The following ERCC4 variants were observed in gnomAD, a reference collection of about 807,000 sequenced individuals.
The protein encoded by ERCC4 is ERCC excision repair 4, endonuclease catalytic subunit.
In ERCC4, 65 loss-of-function variants were observed where a neutral mutation model predicts 76.9. The ratio of observed to expected loss-of-function variants is 0.84; its 90% CI spans 0.69 to 1.04. ERCC4 has a LOEUF of 1.04. Among genes scored for constraint, ERCC4 ranks in the 50% least tolerant of loss-of-function variants. The pLI is 0.00. For synonymous variants in ERCC4, 463 were observed against 410.1 expected (o/e 1.13, Z -1.56); for missense variants, 1,214 against 1,128.2 (o/e 1.08, Z -1.09).
At chr16:13,947,159 C>A (rs2032530335) in intron 10 of ERCC4, among the ~76,000 whole-genome samples, 1 of 152,308 alleles carries the variant, frequency 6.6e-6, no homozygotes, top group Middle Eastern at 3.4e-3. Flanking sequence ...AGCTCCTTCC[C>A]TTTCCCCATC....
Position 13,934,203 on chromosome 16 carries a change from G to A in ERCC4, c.1114G>A (p.Glu372Lys), listed in dbSNP as rs2032238318. 4 of 1,608,404 alleles carry A rather than the reference G, an allele frequency of 2.5e-6. No individual in the cohort carries two copies. The highest frequency in any genetic ancestry group is 3.4e-6 in the Non-Finnish European group (4 of 1,175,460). Reference protein sequence around the residue: ...EIKEGEETKKELVLESNPKWE... With the variant: ...EIKEGEETKKKLVLESNPKWE... ...TTATTTCTCTACAGAAACAAAAAAG[G>A]AACTGGTCCTAGAAAGCAACCCAAA... Residue 372 changes from glutamate (E) to lysine (K), a missense_variant, in exon 7 of 11, where the codon GAA (glutamate) becomes AAA (lysine). By Grantham distance (56) the Glu-to-Lys change is moderately conservative. Transcript: ENST00000311895.
intron 9 of ERCC4, among the ~76,000 whole-genome samples, chr16:13,940,963 C>G (rs2032401882): frequency 6.6e-6 from 1 of 152,200 alleles, no homozygotes; most frequent in South Asian, 2.1e-4. Flanking sequence ...AGGTGAGTTT[C>G]TTGCTTCGCC....
intron 2 of ERCC4, among the ~76,000 whole-genome samples, chr16:13,923,217 G>C (rs1237918025): frequency 2.6e-5 from 4 of 152,144 alleles, no homozygotes; most frequent in Non-Finnish European, 5.9e-5. Flanking sequence ...CCCAGTCATA[G>C]TGCTCACAAC....
chr16:13,933,580 T>C (rs2032224709), intron 6 of ERCC4: 1 of 152,364 alleles, frequency 6.6e-6, no homozygotes, highest in Non-Finnish European at 1.5e-5. Context: ...TGGTGGCACA[T>C]GCCTGTAATC....
At position 13,935,753 on chromosome 16, in the gene ERCC4, A is replaced by G. The variant is rs1477624759; in HGVS notation, c.1811+10A>G. ...CTGGGAAACCTCTGAGGCAAGTTAT[A>G]AAGAATCACAGCTTTCAGTTGCACA... is the stretch of plus-strand genomic sequence containing the variant. On this transcript the variant is annotated intron_variant, in intron 8 of 10. Coordinates refer to ENST00000311895, the MANE Select transcript of ERCC4 (RefSeq NM_005236.3). 5.7e-6 allele frequency: 9 copies of G among 1,577,712 alleles called. No individual in the cohort carries two copies. The highest frequency in any genetic ancestry group is 7.8e-6 in the Non-Finnish European group (9 of 1,146,912).
rs755632562 is a variant in ERCC4 at position 13,934,320 on chromosome 16, G to A, written c.1213+18G>A. The A allele has an allele frequency of 2.0e-6, 3 of 1,516,686 alleles. No individual in the cohort carries two copies. Among genetic ancestry groups the A allele is most frequent in the South Asian group, 1.1e-5 (1 of 89,044 alleles). The allele number at this position is 1,516,686 out of a possible 1,614,324, so 94.0% of individuals were successfully genotyped here. A position where few individuals can be genotyped will look rare whatever the true frequency, so the allele number is the denominator to read the frequency against. ...TGGTCCAGGTAGGAAAAAAGGAGAT[G>A]AAAACATTTGCTTCCAAAATCTATC... On this transcript the variant is annotated intron_variant, in intron 7 of 10. Transcript: ENST00000311895.
chr16:13,920,463 C>A, intron 1 of ERCC4, 91 bp downstream of exon 1: 1 of 1,173,256 alleles, frequency 8.5e-7, no homozygotes, highest in Non-Finnish European at 1.2e-6. Context: ...GATGGAGGGG[C>A]TCTGAGGGGG....
rs773703876 is a variant in ERCC4 at position 13,937,718 on chromosome 16, A to T, written c.1812-48A>T. The T allele has an allele frequency of 2.3e-5, 27 of 1,165,032 alleles. 1 individual carries two copies. The South Asian group carries it at 3.0e-4, about 13-fold the overall frequency. 72.2% of individuals were successfully genotyped at this position (1,165,032 alleles called of 1,614,324 possible). Reference sequence around the variant, plus strand: ...ACATGTTCTGCTGTTCCTTTCAGGGATTAAAAATGCTGTTTTTCCAACCTA... The same window carrying T: ...ACATGTTCTGCTGTTCCTTTCAGGGTTTAAAAATGCTGTTTTTCCAACCTA... On this transcript the variant is annotated intron_variant, in intron 8 of 10. Transcript: ENST00000311895.
chr16:13,949,970 A>AT lies in ERCC4; in HGVS notation c.*1632dup, dbSNP rs1034520988. 263 of 224,016 alleles carry AT rather than the reference A, an allele frequency of 1.2e-3. No individual in the cohort carries two copies. Among genetic ancestry groups the AT allele is most frequent in the Middle Eastern group, 4.1e-3 (3 of 736 alleles). The allele number at this position is 224,016 out of a possible 1,614,324, so 13.9% of individuals were successfully genotyped here. A position where few individuals can be genotyped will look rare whatever the true frequency, so the allele number is the denominator to read the frequency against. On this transcript the variant is annotated 3_prime_UTR_variant, in exon 11 of 11. Transcript: ENST00000311895. ...CAACTTTAACAAAATTGTCATTGTTATTTTTTTTTGAGACAGAGTCTCCCT... is the reference window on the plus strand; with the variant it reads ...CAACTTTAACAAAATTGTCATTGTTATTTTTTTTTTGAGACAGAGTCTCCCT...
chr16:13,924,883 C>A (rs1024528351), intron 2 of ERCC4, among the ~76,000 whole-genome samples: 2 of 151,938 alleles, frequency 1.3e-5, no homozygotes, highest in African/African-American at 4.8e-5. Context: ...AGTATGGGTA[C>A]AAAATGTCAT....
intron 2 of ERCC4, among the ~76,000 whole-genome samples, chr16:13,924,984 G>A (rs1487945980): frequency 6.6e-6 from 1 of 152,100 alleles, no homozygotes; most frequent in Non-Finnish European, 1.5e-5. Context: ...TTTTGAAAAA[G>A]GAGTGTCTTG....
chr16:13,948,977 C>T lies in ERCC4; in HGVS notation c.*630C>T, dbSNP rs1408482875. 1 of 232,724 alleles carries T rather than the reference C, an allele frequency of 4.3e-6. No individual in the cohort carries two copies. Among genetic ancestry groups the T allele is most frequent in the East Asian group, 6.1e-5 (1 of 16,516 alleles). 14.4% of individuals were successfully genotyped at this position (232,724 alleles called of 1,614,324 possible). On this transcript the variant is annotated 3_prime_UTR_variant, in exon 11 of 11. Coordinates refer to ENST00000311895, the MANE Select transcript of ERCC4 (RefSeq NM_005236.3). ...TGACCAGTTCTCTCTACCACATTTT[C>T]TTCAGCTCCATACTTCTGCCTGTCT...
intron 9 of ERCC4, among the ~76,000 whole-genome samples, chr16:13,944,349 A>G (rs528435670): frequency 6.6e-6 from 1 of 152,138 alleles, no homozygotes; most frequent in Non-Finnish European, 1.5e-5. Context: ...AATATAAATG[A>G]TTTACATTTA....
At chr16:13,933,206 T>C (rs1432315263) in intron 6 of ERCC4, 2 of 171,984 alleles carry the variant, frequency 1.2e-5, no homozygotes, top group Non-Finnish European at 2.6e-5. Context: ...GGTGACAGAG[T>C]ACGACTGTGT....
At chr16:13,945,510 T>C (rs1364930995) in intron 10 of ERCC4, among the ~76,000 whole-genome samples, 1 of 152,240 alleles carries the variant, frequency 6.6e-6, no homozygotes, top group Non-Finnish European at 1.5e-5. Context: ...ACGATTGAGT[T>C]GGTTTAACCT....
rs773956647 is a variant in ERCC4 at position 13,922,028 on chromosome 16, T to G, written c.208-3T>G. On this transcript the variant is annotated splice_region_variant and splice_polypyrimidine_tract_variant and intron_variant, in intron 1 of 10. Coordinates refer to ENST00000311895, the MANE Select transcript of ERCC4 (RefSeq NM_005236.3). ...CCTACTAATCAAGTTTGATTTGATT[T>G]AGGAGTATTTTATCAATCAGCTGAA... 3.2e-5 allele frequency: 51 copies of G among 1,610,516 alleles called. No individual in the cohort carries two copies. The highest frequency in any genetic ancestry group is 4.3e-5 in the Non-Finnish European group (51 of 1,176,942).
intron 2 of ERCC4, among the ~76,000 whole-genome samples, chr16:13,923,803 C>A (rs754415677): frequency 6.6e-6 from 1 of 152,148 alleles, no homozygotes; most frequent in African/African-American, 2.4e-5. Context: ...ATACACCAGT[C>A]TTTTACTGTT....
chr16:13,938,978 T>C (rs1201484468), intron 9 of ERCC4, among the ~76,000 whole-genome samples: 1 of 152,214 alleles, frequency 6.6e-6, no homozygotes, highest in Non-Finnish European at 1.5e-5. Context: ...AATGGTGATA[T>C]GCCTTGGCCA....
chr16:13,928,249 T>G lies in ERCC4; in HGVS notation c.792+14T>G, dbSNP rs1267652413. ...CCTTTTGACAAGGTACTCTTTTTCC[T>G]TTTAAGCACAGTTTATTATGTTGTA... On this transcript the variant is annotated intron_variant, in intron 4 of 10. Coordinates refer to ENST00000311895, the MANE Select transcript of ERCC4 (RefSeq NM_005236.3). 14 of 1,519,850 alleles carry G rather than the reference T, an allele frequency of 9.2e-6. No homozygotes were observed. Among genetic ancestry groups the G allele is most frequent in the Non-Finnish European group, 1.3e-5 (14 of 1,095,436 alleles). 94.1% of individuals were successfully genotyped at this position (1,519,850 alleles called of 1,614,324 possible).
Sources: gnomAD v4.1 joint callset for allele counts (sites outside exome capture counted in the v4.1 genomes callset) on GRCh38, gnomAD v4.1.1 for gene constraint, MANE v1.5 for transcripts, NCBI Gene and HGNC (gene_info 2026-07-23, HGNC 2026-07-21) for gene names.